TCP11L1: variants seen among roughly 807,000 people sequenced by gnomAD.
The protein encoded by TCP11L1 is t-complex 11 like 1, also known as T-complex protein 11-like protein 1.
Under a neutral mutation model 48.9 loss-of-function variants are expected in TCP11L1, and 28 were observed. The ratio of observed to expected loss-of-function variants is 0.57; its 90% confidence interval spans 0.42 to 0.78. TCP11L1 has a LOEUF of 0.78. Among genes scored for constraint, TCP11L1 ranks in the 30% least tolerant of loss-of-function variants. The pLI is 0.00. For synonymous variants in TCP11L1, 204 were observed against 231.9 expected (o/e 0.88, Z 1.09); for missense variants, 505 against 613.4 (o/e 0.82, Z 1.87).
At chr11:33,056,903 C>A (rs560800278) in intron 3 of TCP11L1, among the ~76,000 whole-genome samples, 1 of 152,146 alleles carries the variant, frequency 6.6e-6, no homozygotes, top group Non-Finnish European at 1.5e-5. Context: ...TAGTTGAGAG[C>A]GATTCTTTCC....
chr11:33,062,710 T>C (rs1776512390), intron 7 of TCP11L1, among the ~76,000 whole-genome samples: 1 of 152,250 alleles, frequency 6.6e-6, no homozygotes, highest in Non-Finnish European at 1.5e-5. Flanking sequence ...GCCACCATTC[T>C]ACTTTGAGTC....
chr11:33,048,618 C>A (rs893494294), intron 2 of TCP11L1, among the ~76,000 whole-genome samples: 1 of 152,154 alleles, frequency 6.6e-6, no homozygotes, highest in African/African-American at 2.4e-5. Context: ...TTTAAGTAGT[C>A]TCTTAACTTG....
intron 2 of TCP11L1, 80 bp downstream of exon 2, chr11:33,044,016 T>C: frequency 7.2e-7 from 1 of 1,398,302 alleles, no homozygotes. Context: ...CTTGTGCATG[T>C]GGCCGTGAGC....
chr11:33,052,047 A>G (rs1854176011), intron 2 of TCP11L1, among the ~76,000 whole-genome samples: 2 of 152,172 alleles, frequency 1.3e-5, no homozygotes, highest in African/African-American at 4.8e-5. Flanking sequence ...GAAAATTGAC[A>G]TCTTAATAAT....
At chr11:33,069,446 T>G (rs934860835) in intron 9 of TCP11L1, among the ~76,000 whole-genome samples, 4 of 151,854 alleles carry the variant, frequency 2.6e-5, no homozygotes, top group African/African-American at 9.7e-5. Flanking sequence ...TAATGCATAT[T>G]CTATAAAATA....
Position 33,057,218 on chromosome 11 carries a change from G to GTA in TCP11L1, c.401_402dup (p.Gly135Ter). The GTA allele has an allele frequency of 6.2e-7, 1 of 1,614,076 alleles. No individual in the cohort carries two copies. Among genetic ancestry groups the GTA allele is most frequent in the South Asian group, 1.1e-5 (1 of 91,086 alleles). ...AGCATATGACCATGCTATCAAACTT[G>GTA]TAGGAGAAATCAAAGAGGTGAGGCA... On this transcript the variant is annotated frameshift_variant, in exon 4 of 10. Transcript: ENST00000334274. LOFTEE classifies it high-confidence loss of function.
chr11:33,045,880 G>A (rs1853977698), intron 2 of TCP11L1, among the ~76,000 whole-genome samples: 1 of 152,214 alleles, frequency 6.6e-6, no homozygotes, highest in Non-Finnish European at 1.5e-5. Context: ...AGAAAGCAGT[G>A]TATCAAGCAC....
chr11:33,063,609 T>G (rs1472001401), intron 7 of TCP11L1, among the ~76,000 whole-genome samples: 2 of 152,236 alleles, frequency 1.3e-5, no homozygotes, highest in Non-Finnish European at 2.9e-5. Context: ...AATACATACT[T>G]CTAACTGCAA....
At chr11:33,043,985 G>T in intron 2 of TCP11L1, 49 bp downstream of exon 2, 1 of 1,526,848 alleles carries the variant, frequency 6.5e-7, no homozygotes, top group Non-Finnish European at 8.8e-7. Flanking sequence ...TTGTTTTCAG[G>T]TGACGGTTTT....
At chr11:33,057,271 G>C in intron 4 of TCP11L1, 36 bp downstream of exon 4, 1 of 1,612,632 alleles carries the variant, frequency 6.2e-7, no homozygotes, top group South Asian at 1.1e-5. Context: ...CTTTTCTGGT[G>C]TGTTAGGAGT....
At chr11:33,066,833 CCTG>C (rs1854634178) in intron 8 of TCP11L1, among the ~76,000 whole-genome samples, 1 of 152,096 alleles carries the variant, frequency 6.6e-6, no homozygotes, top group African/African-American at 2.4e-5. Context: ...GTGACTAGGA[CCTG>C]CAGTAAGAAA....
At chr11:33,068,105 G>A (rs1854672031) in intron 8 of TCP11L1, among the ~76,000 whole-genome samples, 1 of 152,024 alleles carries the variant, frequency 6.6e-6, no homozygotes, top group East Asian at 1.9e-4. Context: ...TTTTAGTAGA[G>A]ATGGGGTTTC....
At chr11:33,072,425 T>G in intron 9 of TCP11L1, 49 bp from the exon 10 acceptor site, 1 of 1,601,014 alleles carries the variant, frequency 6.2e-7, no homozygotes, top group Non-Finnish European at 8.6e-7. Context: ...CAGTAAGGTT[T>G]GTAAGGTGAA....
rs562968904 is a variant in TCP11L1, at chr11:33,048,860, G to A, written c.163+4924G>A. ...CCGTACTCAACAGAGTCCAGAGGAA[G>A]TGAAATTCCTTCCTGATTTGCTCCA... On this transcript the variant is annotated intron_variant, in intron 2 of 9. Transcript: ENST00000334274. Among the ~76,000 whole-genome samples, 153 of 152,326 alleles carry A rather than the reference G, an allele frequency of 1.0e-3. 1 individual carries two copies. Among genetic ancestry groups the A allele is most frequent in the Middle Eastern group, 6.8e-3 (2 of 294 alleles).
intron 3 of TCP11L1, among the ~76,000 whole-genome samples, chr11:33,056,107 C>T (rs1389884179): frequency 1.3e-5 from 2 of 152,038 alleles, no homozygotes; most frequent in African/African-American, 2.4e-5. Context: ...TGAGCCACTG[C>T]GCCAGCCATT....
chr11:33,070,382 C>A (rs1364880261), intron 9 of TCP11L1, among the ~76,000 whole-genome samples: 1 of 152,096 alleles, frequency 6.6e-6, no homozygotes, highest in Non-Finnish European at 1.5e-5. Context: ...CTTAGAGAAC[C>A]AAACTAACTT....
intron 2 of TCP11L1, among the ~76,000 whole-genome samples, chr11:33,051,369 G>A (rs1333259394): frequency 2.0e-5 from 3 of 151,890 alleles, no homozygotes; most frequent in African/African-American, 7.3e-5. Flanking sequence ...GGGTTTCACC[G>A]TGTTAGCCAG....
chr11:33,064,287 G>C (rs529994066), intron 7 of TCP11L1, among the ~76,000 whole-genome samples: 2 of 152,220 alleles, frequency 1.3e-5, no homozygotes, highest in African/African-American at 4.8e-5. Context: ...AAAGCCATGT[G>C]AAGTCAGAAA....
At chr11:33,065,633 C>T (rs1320718868) in intron 7 of TCP11L1, among the ~76,000 whole-genome samples, 197 bp from the exon 8 acceptor site, 1 of 152,198 alleles carries the variant, frequency 6.6e-6, no homozygotes, top group Non-Finnish European at 1.5e-5. Context: ...AGTGAGGGCG[C>T]TATACTGCAT....
Sources: gnomAD v4.1 joint callset for allele counts (sites outside exome capture counted in the v4.1 genomes callset) on GRCh38, gnomAD v4.1.1 for gene constraint, MANE v1.5 for transcripts, NCBI Gene and HGNC (gene_info 2026-07-23, HGNC 2026-07-21) for gene names.